Variants in PCDH9 observed in about 807,000 individuals in gnomAD.
PCDH9 encodes the protein protocadherin 9.
A neutral mutation model predicts 70.6 loss-of-function variants in PCDH9; 24 were observed. That is an observed-to-expected ratio of 0.34 (90% CI 0.25 to 0.48). The LOEUF (loss-of-function observed/expected upper bound fraction) is 0.48. PCDH9 is among the 20% of genes least tolerant of loss of function. The pLI is 0.99. For synonymous variants in PCDH9, 562 were observed against 558.5 expected, an observed-to-expected ratio of 1.01 and a Z score of -0.09; for missense variants, 1,281 against 1,503.6, an observed-to-expected ratio of 0.85 and a Z score of 2.45.
At chr13:67,192,005 G>GAA (rs11301689) in intron 2 of PCDH9, among the ~76,000 whole-genome samples, 1 of 149,128 alleles carries the variant, frequency 6.7e-6, no homozygotes, top group African/African-American at 2.5e-5. Context: ...ACCTATTTCA[G>GAA]AAAAAAAAAA....
chr13:66,403,071 T>C (rs939927335), intron 4 of PCDH9, among the ~76,000 whole-genome samples: 2 of 148,878 alleles, frequency 1.3e-5, no homozygotes, highest in African/African-American at 4.9e-5. Flanking sequence ...AGGAGAATTA[T>C]TGGTAACTCT....
At chr13:66,483,979 C>A (rs1009538201) in intron 4 of PCDH9, among the ~76,000 whole-genome samples, 5 of 152,058 alleles carry the variant, frequency 3.3e-5, no homozygotes, top group Non-Finnish European at 7.4e-5. Context: ...AGGCCATCAA[C>A]CGGCAGGACA....
intron 3 of PCDH9, among the ~76,000 whole-genome samples, chr13:66,771,791 T>A (rs1566183230): frequency 6.6e-6 from 1 of 152,232 alleles, no homozygotes; most frequent in Non-Finnish European, 1.5e-5. Context: ...ATGAGACTTA[T>A]AAAATTTTCC....
At chr13:66,848,540 A>G (rs1263034370) in intron 3 of PCDH9, among the ~76,000 whole-genome samples, 1 of 152,196 alleles carries the variant, frequency 6.6e-6, no homozygotes, top group Non-Finnish European at 1.5e-5. Flanking sequence ...TAATGGCTAA[A>G]TATAAATAGC....
intron 2 of PCDH9, among the ~76,000 whole-genome samples, chr13:66,912,652 C>T (rs901850304): frequency 3.3e-5 from 5 of 151,840 alleles, no homozygotes; most frequent in Non-Finnish European, 4.4e-5. Context: ...ACTATATATG[C>T]ATAAAATATT....
At chr13:66,783,214 G>A (rs1371760220) in intron 3 of PCDH9, among the ~76,000 whole-genome samples, 1 of 152,054 alleles carries the variant, frequency 6.6e-6, no homozygotes, top group African/African-American at 2.4e-5. Context: ...GACTCTGCAC[G>A]TGAATTTCTT....
At chr13:66,749,813 G>A (rs1486076907) in intron 3 of PCDH9, among the ~76,000 whole-genome samples, 1 of 152,116 alleles carries the variant, frequency 6.6e-6, no homozygotes, top group Non-Finnish European at 1.5e-5. Flanking sequence ...AATTCAGACA[G>A]TACTAAGACA....
chr13:66,901,122 C>T (rs1294973264), intron 3 of PCDH9, among the ~76,000 whole-genome samples: 2 of 151,462 alleles, frequency 1.3e-5, no homozygotes, highest in Admixed American at 1.3e-4. Flanking sequence ...TTAAAAAAAA[C>T]TCGAAAGATG....
At chr13:66,855,137 A>G (rs1031868943) in intron 3 of PCDH9, among the ~76,000 whole-genome samples, 1 of 152,076 alleles carries the variant, frequency 6.6e-6, no homozygotes, top group African/African-American at 2.4e-5. Flanking sequence ...AAAAGGTGTA[A>G]AAGTGGGTTT....
Position 67,083,790 on chromosome 13 carries a change from C to T in PCDH9, c.3036+141615G>A, listed in dbSNP as rs573371254. Reference sequence around the variant, plus strand: ...GCCTTTATGAGATTCCAAACATAAACATGACATAATGAATTTATTAGCATG... The same window carrying T: ...GCCTTTATGAGATTCCAAACATAAATATGACATAATGAATTTATTAGCATG... On this transcript the variant is annotated intron_variant, in intron 2 of 4. Transcript: ENST00000377865. Among the ~76,000 whole-genome samples, 167 of 152,256 alleles carry T rather than the reference C, an allele frequency of 1.1e-3. 2 individuals are homozygous for T. The highest frequency in any genetic ancestry group is 2.0e-3 in the Admixed American group (30 of 15,284).
At chr13:66,603,036 T>G (rs1406028197) in intron 4 of PCDH9, among the ~76,000 whole-genome samples, 1 of 146,044 alleles carries the variant, frequency 6.8e-6, no homozygotes, top group Non-Finnish European at 1.5e-5. Context: ...AAGTACCCTC[T>G]TTGATGTTCA....
At chr13:66,543,046 T>A (rs1405196970) in intron 4 of PCDH9, among the ~76,000 whole-genome samples, 1 of 151,892 alleles carries the variant, frequency 6.6e-6, no homozygotes, top group East Asian at 1.9e-4. Context: ...AATGGAGTGT[T>A]AATCAAAATA....
intron 4 of PCDH9, among the ~76,000 whole-genome samples, chr13:66,569,935 C>A (rs904257454): frequency 1.3e-5 from 2 of 152,200 alleles, no homozygotes; most frequent in East Asian, 1.9e-4. Flanking sequence ...ATAAAAATTT[C>A]TTTGATTTAC....
intron 3 of PCDH9, among the ~76,000 whole-genome samples, chr13:66,744,538 A>T (rs917015666): frequency 7.2e-5 from 11 of 152,178 alleles, no homozygotes; most frequent in African/African-American, 2.4e-4. Context: ...ACATGTTCAC[A>T]TGAGAAAATA....
chr13:66,545,613 T>C (rs1316024689), intron 4 of PCDH9, among the ~76,000 whole-genome samples: 1 of 152,146 alleles, frequency 6.6e-6, no homozygotes, highest in East Asian at 1.9e-4. Context: ...CACCTAGTGA[T>C]GTTTTAACCA....
intron 2 of PCDH9, among the ~76,000 whole-genome samples, chr13:66,924,215 T>C (rs2082681863): frequency 6.6e-6 from 1 of 151,860 alleles, no homozygotes; most frequent in African/African-American, 2.4e-5. Flanking sequence ...GCTGGTGTTA[T>C]ATTCAACAAC....
At chr13:67,017,072 T>C (rs750814967) in intron 2 of PCDH9, among the ~76,000 whole-genome samples, 18 of 152,180 alleles carry the variant, frequency 1.2e-4, no homozygotes, top group Non-Finnish European at 2.2e-4. Flanking sequence ...ATAGCCATAG[T>C]GTGTGGAAAA....
At chr13:66,678,119 T>G (rs2078269597) in intron 3 of PCDH9, among the ~76,000 whole-genome samples, 1 of 152,116 alleles carries the variant, frequency 6.6e-6, no homozygotes, top group South Asian at 2.1e-4. Flanking sequence ...AATTCATGAG[T>G]ATTTTATAAA....
intron 2 of PCDH9, among the ~76,000 whole-genome samples, chr13:67,143,936 A>C (rs960736130): frequency 6.6e-6 from 1 of 152,236 alleles, no homozygotes. Flanking sequence ...AGCATTATGC[A>C]TCTGTACGTT....
Sources: allele counts gnomAD v4.1 joint callset (sites outside exome capture counted in the v4.1 genomes callset), GRCh38; gene constraint gnomAD v4.1.1; transcripts MANE v1.5; gene names NCBI Gene and HGNC (gene_info 2026-07-23, HGNC 2026-07-21).